The following TMEM135 variants were observed in gnomAD, a reference collection of about 807,000 sequenced individuals.
The protein encoded by TMEM135 is peroxisomal membrane protein 52.
In TMEM135, 30 loss-of-function variants were observed where a neutral mutation model predicts 60.3. The observed-to-expected ratio is 0.50, with a 90% CI of 0.37 to 0.68. TMEM135 has a LOEUF of 0.68. TMEM135 is among the 30% of genes least tolerant of loss of function. TMEM135 has a pLI of 0.00. For synonymous variants in TMEM135, 190 were observed against 186.7 expected (o/e 1.02, Z -0.14); for missense variants, 468 against 548.8 (o/e 0.85, Z 1.47).
intron 5 of TMEM135, among the ~76,000 whole-genome samples, chr11:87,170,584 C>G (rs1270389441): frequency 2.0e-5 from 3 of 152,116 alleles, no homozygotes; most frequent in Non-Finnish European, 4.4e-5. Context: ...GAAGTCTACT[C>G]CAGACCCTGT....
intron 4 of TMEM135, among the ~76,000 whole-genome samples, chr11:87,093,764 C>A (rs997775415): frequency 1.3e-5 from 2 of 150,392 alleles, no homozygotes; most frequent in Non-Finnish European, 3.0e-5. Flanking sequence ...GAACTCCTGA[C>A]CTCGTGATCT....
At chr11:87,279,760 T>C (rs1173031984) in intron 6 of TMEM135, among the ~76,000 whole-genome samples, 1 of 152,232 alleles carries the variant, frequency 6.6e-6, no homozygotes, top group Non-Finnish European at 1.5e-5. Flanking sequence ...GCTTTCATCA[T>C]TCTTCCCTGT....
chr11:87,328,001 T>C lies in TMEM135; in HGVS notation c.*6668T>C, dbSNP rs1942939541. 2.2e-6 allele frequency: 1 copy of C among 453,944 alleles called. No individual in the cohort carries two copies. The highest frequency in any genetic ancestry group is 2.4e-5 in the Admixed American group (1 of 42,546). The allele number at this position is 453,944 out of a possible 1,614,324, so 28.1% of individuals were successfully genotyped here. On this transcript the variant is annotated 3_prime_UTR_variant, in exon 15 of 15. Coordinates refer to ENST00000305494, the MANE Select transcript of TMEM135 (RefSeq NM_022918.4). ...CACGCTAACTCACATGCCAATCTCCTCTGGAAACACCCTCACAGACACACC... is the reference window on the plus strand; with the variant it reads ...CACGCTAACTCACATGCCAATCTCCCCTGGAAACACCCTCACAGACACACC...
At chr11:87,187,201 C>T (rs1939674866) in intron 5 of TMEM135, among the ~76,000 whole-genome samples, 1 of 152,154 alleles carries the variant, frequency 6.6e-6, no homozygotes, top group African/African-American at 2.4e-5. Context: ...TTATTTCCCA[C>T]AGAGGGTTAG....
rs757275929 is a variant in TMEM135, at chr11:87,302,441, A to G, written c.697A>G (p.Ile233Val). 8 of 1,613,714 alleles carry G rather than the reference A, an allele frequency of 5.0e-6. No homozygotes were observed. Among genetic ancestry groups the G allele is most frequent in the Middle Eastern group, 1.6e-4 (1 of 6,078 alleles). ...TCTAGTCAGGAAATTTGTGGATTCAATGTGAGCTCTTTATCTTGATATTTT... is the reference window on the plus strand; with the variant it reads ...TCTAGTCAGGAAATTTGTGGATTCAGTGTGAGCTCTTTATCTTGATATTTT... ...IGLVRKFVDS[I>V]CKHGPRHRCC... The change falls in exon 8 of 15, where the codon ATA (isoleucine) becomes GTA (valine). Residue 233 changes from isoleucine to valine, a missense_variant and splice_region_variant. Transcript: ENST00000305494.
At chr11:87,267,844 A>G (rs1317388445) in intron 6 of TMEM135, among the ~76,000 whole-genome samples, 1 of 152,050 alleles carries the variant, frequency 6.6e-6, no homozygotes, top group Non-Finnish European at 1.5e-5. Context: ...AGGTGCCACC[A>G]CGACGCCTGG....
chr11:87,180,996 C>T (rs1939499618), intron 5 of TMEM135, among the ~76,000 whole-genome samples: 1 of 152,068 alleles, frequency 6.6e-6, no homozygotes, highest in Non-Finnish European at 1.5e-5. Context: ...CCTAAGATGA[C>T]CTGGATGCTG....
intron 5 of TMEM135, among the ~76,000 whole-genome samples, chr11:87,182,071 A>C (rs1310900023): frequency 6.6e-6 from 1 of 151,854 alleles, no homozygotes; most frequent in Admixed American, 6.6e-5. Flanking sequence ...CAAAACTAAA[A>C]ATATAGAATA....
At chr11:87,243,328 T>C (rs1444089053) in intron 6 of TMEM135, among the ~76,000 whole-genome samples, 2 of 146,802 alleles carry the variant, frequency 1.4e-5, no homozygotes, top group Non-Finnish European at 3.0e-5. Context: ...ATTGACTTGG[T>C]GATGCAGGCT....
chr11:87,207,828 G>A (rs1940271064), intron 5 of TMEM135, among the ~76,000 whole-genome samples: 1 of 152,118 alleles, frequency 6.6e-6, no homozygotes, highest in South Asian at 2.1e-4. Context: ...CATCCCCATG[G>A]TGTGCTCTTG....
chr11:87,157,613 T>C, intron 5 of TMEM135: 7 of 496,748 alleles, frequency 1.4e-5, no homozygotes, highest in Non-Finnish European at 2.5e-5. Context: ...AATTACTGTC[T>C]TTTTACCTTT....
chr11:87,125,626 T>C (rs769801535), intron 4 of TMEM135, among the ~76,000 whole-genome samples: 2 of 152,192 alleles, frequency 1.3e-5, no homozygotes, highest in Admixed American at 1.3e-4. Context: ...TATTGTAGGC[T>C]GTGGTAAAGA....
chr11:87,328,607 T>C lies in TMEM135; in HGVS notation c.*7274T>C, dbSNP rs1173778403. 2.4e-5 allele frequency: 11 copies of C among 454,096 alleles called. No homozygotes were observed. The highest frequency in any genetic ancestry group is 4.7e-5 in the Admixed American group (2 of 42,566). The allele number at this position is 454,096 out of a possible 1,614,324, so 28.1% of individuals were successfully genotyped here. A position where few individuals can be genotyped will look rare whatever the true frequency, so the allele number is the denominator to read the frequency against. ...AGAACATACAGAATTTGATTTTCTA[T>C]TCCGGAGTTACTTTACTTAGAATAA... On this transcript the variant is annotated 3_prime_UTR_variant, in exon 15 of 15. Transcript: ENST00000305494.
intron 1 of TMEM135, among the ~76,000 whole-genome samples, chr11:87,046,334 A>C (rs903192561): frequency 2.6e-5 from 4 of 152,186 alleles, no homozygotes; most frequent in Non-Finnish European, 5.9e-5. Flanking sequence ...CAGCGAGTGG[A>C]GATCTCAGCT....
chr11:87,138,345 C>T (rs549574018), intron 4 of TMEM135, among the ~76,000 whole-genome samples: 1 of 152,128 alleles, frequency 6.6e-6, no homozygotes, highest in Non-Finnish European at 1.5e-5. Flanking sequence ...CCCGCCTTGG[C>T]CTCCCAAAGC....
intron 4 of TMEM135, among the ~76,000 whole-genome samples, chr11:87,148,944 T>G (rs1208450487): frequency 6.6e-6 from 1 of 152,142 alleles, no homozygotes; most frequent in Non-Finnish European, 1.5e-5. Flanking sequence ...TGGAGTTAAA[T>G]TCATATTGTG....
At chr11:87,063,134 A>C (rs1949965906) in intron 1 of TMEM135, among the ~76,000 whole-genome samples, 1 of 152,246 alleles carries the variant, frequency 6.6e-6, no homozygotes, top group Non-Finnish European at 1.5e-5. Context: ...ATTTAGAGAT[A>C]ATCAGTGTAT....
At chr11:87,261,326 T>C (rs1188547969) in intron 6 of TMEM135, among the ~76,000 whole-genome samples, 1 of 152,198 alleles carries the variant, frequency 6.6e-6, no homozygotes, top group Non-Finnish European at 1.5e-5. Flanking sequence ...CAGTTTTAAC[T>C]ACAAATCTTC....
Position 87,071,576 on chromosome 11 carries a change from C to T in TMEM135, c.323C>T (p.Pro108Leu). 3 of 1,613,900 alleles carry T rather than the reference C, an allele frequency of 1.9e-6. No individual in the cohort carries two copies. Among genetic ancestry groups the T allele is most frequent in the Non-Finnish European group, 2.5e-6 (3 of 1,179,954 alleles). Residue 108 changes from proline (P) to leucine (L), a missense_variant, in exon 3 of 15, where the codon CCA (proline) becomes CTA (leucine). By Grantham distance (98) the Pro-to-Leu change is moderately conservative. Transcript: ENST00000305494. ...SWTPGFGAAL[P>L]ASYVAILIER... ...ACTCCTGGCTTTGGTGCCGCTCTGC[C>T]AGCATCTTATGTGGCCATTCTCATT...
Sources: allele counts gnomAD v4.1 joint callset (sites outside exome capture counted in the v4.1 genomes callset), GRCh38; gene constraint gnomAD v4.1.1; transcripts MANE v1.5; gene names NCBI Gene and HGNC (gene_info 2026-07-23, HGNC 2026-07-21).